DENND4A: variants seen among roughly 807,000 people sequenced by gnomAD.
The protein encoded by DENND4A is DENN domain containing 4A.
DENND4A carries 70 observed loss-of-function variants against 199.3 expected under a neutral mutation model. The observed-to-expected ratio is 0.35, with a 90% CI of 0.29 to 0.43. The LOEUF is 0.43. DENND4A is among the 20% of genes least tolerant of loss of function. DENND4A has a pLI of 1.00. For synonymous variants in DENND4A, 686 were observed against 766.9 expected, an observed-to-expected ratio of 0.89 and a Z score of 1.74; for missense variants, 1,723 against 2,255.8, an observed-to-expected ratio of 0.76 and a Z score of 4.78.
chr15:65,744,575 C>G (rs147411861), intron 4 of DENND4A, among the ~76,000 whole-genome samples: 1 of 152,130 alleles, frequency 6.6e-6, no homozygotes, highest in Non-Finnish European at 1.5e-5. Context: ...CCCATCACCC[C>G]TCTCTTGCAT....
chr15:65,688,185 T>C (rs919694375), intron 23 of DENND4A, among the ~76,000 whole-genome samples: 2 of 152,246 alleles, frequency 1.3e-5, no homozygotes, highest in African/African-American at 4.8e-5. Flanking sequence ...TTGATCAGTT[T>C]ACATTGGATT....
chr15:65,744,031 G>A (rs948678327), intron 4 of DENND4A, among the ~76,000 whole-genome samples: 2 of 152,090 alleles, frequency 1.3e-5, no homozygotes, highest in African/African-American at 2.4e-5. Context: ...GGGGGTGGGA[G>A]ACAAGGAAGA....
intron 7 of DENND4A, among the ~76,000 whole-genome samples, chr15:65,734,506 C>T (rs1015971252): frequency 6.6e-6 from 1 of 152,134 alleles, no homozygotes; most frequent in African/African-American, 2.4e-5. Context: ...CGCTGGTTCC[C>T]CGGGTCCCCT....
chr15:65,778,100 C>A (rs986622984), intron 1 of DENND4A, among the ~76,000 whole-genome samples: 7 of 151,958 alleles, frequency 4.6e-5, no homozygotes, highest in African/African-American at 1.7e-4. Flanking sequence ...AAAATATTCA[C>A]CAAACAGCAG....
At chr15:65,665,525 T>A (rs1283610756) in intron 29 of DENND4A, 63 bp from the exon 30 acceptor site, 1 of 1,264,654 alleles carries the variant, frequency 7.9e-7, no homozygotes, top group Non-Finnish European at 1.1e-6. Context: ...AAGTATTTTA[T>A]AAAATTCTTA....
chr15:65,765,216 A>C (rs2076952193), intron 1 of DENND4A, among the ~76,000 whole-genome samples: 1 of 152,348 alleles, frequency 6.6e-6, no homozygotes, highest in Non-Finnish European at 1.5e-5. Context: ...GCTAATGAAG[A>C]TAACACATCA....
chr15:65,688,461 T>C (rs556758610), intron 23 of DENND4A, among the ~76,000 whole-genome samples: 2 of 152,228 alleles, frequency 1.3e-5, no homozygotes, highest in South Asian at 2.1e-4. Flanking sequence ...GGTACTGTTA[T>C]AATACTTCCG....
intron 7 of DENND4A, among the ~76,000 whole-genome samples, chr15:65,734,395 G>A (rs2076051638): frequency 6.6e-6 from 1 of 152,136 alleles, no homozygotes; most frequent in African/African-American, 2.4e-5. Context: ...CCCCACTATT[G>A]TCTTGTGACC....
In DENND4A at chr15:65,782,059, G is replaced by A. The variant is rs1363884209; in HGVS notation, c.-102+9951C>T. 3.9e-5 allele frequency among the ~76,000 whole-genome samples: 6 copies of A among 152,162 alleles called. No homozygotes were observed. In the East Asian group the frequency reaches 7.7e-4, roughly 20 times the overall value. ...AAAAAGGATTTTAGGGCCCCACAAGGGCCCTTGTCATTGATACAGACAACT... is the reference window on the plus strand; with the variant it reads ...AAAAAGGATTTTAGGGCCCCACAAGAGCCCTTGTCATTGATACAGACAACT... On this transcript the variant is annotated intron_variant, in intron 1 of 32. Transcript: ENST00000443035.
intron 13 of DENND4A, 46 bp from the exon 14 acceptor site, chr15:65,715,669 T>A (rs781481876): frequency 4.7e-6 from 7 of 1,474,752 alleles, no homozygotes; most frequent in Middle Eastern, 2.1e-4. Context: ...ATATCATTCA[T>A]AGATTCACAG....
At chr15:65,692,085 G>T (rs1050681790) in intron 22 of DENND4A, among the ~76,000 whole-genome samples, 11 of 149,984 alleles carry the variant, frequency 7.3e-5, no homozygotes, top group African/African-American at 2.4e-4. Context: ...TTATAGGCTT[G>T]AGCCACCATG....
chr15:65,690,149 C>T (rs1236361936), intron 23 of DENND4A, among the ~76,000 whole-genome samples: 2 of 152,188 alleles, frequency 1.3e-5, no homozygotes, highest in East Asian at 3.8e-4. Context: ...TACTGAAATT[C>T]AGTAAGTACT....
chr15:65,696,849 T>C, intron 21 of DENND4A: 1 of 311,820 alleles, frequency 3.2e-6, no homozygotes, highest in South Asian at 3.6e-5. Flanking sequence ...ATGGGTAATG[T>C]GCTGATGTCG....
intron 14 of DENND4A, among the ~76,000 whole-genome samples, chr15:65,709,719 A>AAAAAAAAAAAAAAAATATATAT (rs1218030026): frequency 1.9e-5 from 1 of 51,470 alleles, no homozygotes; most frequent in Admixed American, 2.5e-4. Context: ...AAAAAAAAAA[A>AAAAAAAAAAAAAAAATATATAT]ATATATATAT....
intron 13 of DENND4A, among the ~76,000 whole-genome samples, chr15:65,716,534 T>G (rs2075408884): frequency 6.6e-6 from 1 of 152,008 alleles, no homozygotes; most frequent in South Asian, 2.1e-4. Context: ...CTGAGAATGA[T>G]GATTTGCAAT....
chr15:65,684,818 ATTT>A (rs541989496), intron 23 of DENND4A, among the ~76,000 whole-genome samples: 4 of 104,940 alleles, frequency 3.8e-5, no homozygotes, highest in South Asian at 3.1e-4. Flanking sequence ...TTTTCTTCCA[ATTT>A]TTTTTTTTTT....
At chr15:65,780,678 A>T (rs547508051) in intron 1 of DENND4A, among the ~76,000 whole-genome samples, 7 of 152,394 alleles carry the variant, frequency 4.6e-5, no homozygotes, top group African/African-American at 1.7e-4. Flanking sequence ...TAGTTATAAT[A>T]GCTTACTTAC....
At position 65,722,966 on chromosome 15, in the gene DENND4A, C is replaced by A; in HGVS notation, c.1488-18G>T. ...CACCAATTCTAAGATTAAATAACAA[C>A]AGGAATATATTTGTTACATGGTCTT... On this transcript the variant is annotated intron_variant, in intron 11 of 32. Transcript: ENST00000443035. 1 of 1,576,268 alleles carries A rather than the reference C, an allele frequency of 6.3e-7. No homozygotes were observed. The highest frequency in any genetic ancestry group is 8.6e-7 in the Non-Finnish European group (1 of 1,156,996).
chr15:65,749,700 A>G (rs1425693391), intron 4 of DENND4A, among the ~76,000 whole-genome samples: 1 of 152,122 alleles, frequency 6.6e-6, no homozygotes, highest in African/African-American at 2.4e-5. Flanking sequence ...GCAAATTAAA[A>G]TTAGAACAAT....
Sources: allele counts gnomAD v4.1 joint callset (sites outside exome capture counted in the v4.1 genomes callset), GRCh38; gene constraint gnomAD v4.1.1; transcripts MANE v1.5; gene names NCBI Gene and HGNC (gene_info 2026-07-23, HGNC 2026-07-21).